CARS1: variants seen among roughly 807,000 people sequenced by gnomAD.
CARS1 encodes cysteine--tRNA ligase, cytoplasmic.
CARS1 carries 48 observed loss-of-function variants against 106.2 expected under a neutral mutation model. The ratio of observed to expected loss-of-function variants is 0.45; its 90% CI spans 0.36 to 0.57. CARS1 has a LOEUF of 0.57. Among genes scored for constraint, CARS1 ranks in the 20% least tolerant of loss-of-function variants. The pLI, the probability that CARS1 is intolerant of heterozygous loss-of-function variation, is 0.00. For missense variants in CARS1, 968 were observed against 1,057.2 expected (o/e 0.92, Z 1.17); for synonymous variants, 409 against 403.4 (o/e 1.01, Z -0.17).
intron 18 of CARS1, chr11:3,009,468 G>T (rs1266322266): frequency 6.6e-6 from 1 of 152,312 alleles, no homozygotes. Context: ...TGGGGACAGA[G>T]TTCCAGTTTG....
Position 3,044,790 on chromosome 11 carries a change from C to T in CARS1, c.275-2534G>A, listed in dbSNP as rs540444538. 1.3e-5 allele frequency among the ~76,000 whole-genome samples: 2 copies of T among 152,196 alleles called. No homozygotes were observed. Among genetic ancestry groups the T allele is most frequent in the South Asian group, 2.1e-4 (1 of 4,822 alleles). On this transcript the variant is annotated intron_variant, in intron 2 of 22. Coordinates refer to ENST00000380525, the MANE Select transcript of CARS1 (RefSeq NM_001014437.3). This position sits in a 1 kb window ranked among gnomAD's most constrained non-coding sequence, Gnocchi z 4.4. The stretch of plus-strand genomic sequence containing the variant: ...ATCCAACAACAGACCAACTATGAAC[C>T]GCTCATGAGAGACATGGCTTTGAAA...
At position 3,029,415 on chromosome 11, in the gene CARS1, A is replaced by G. The variant is rs1852467402; in HGVS notation, c.830T>C (p.Leu277Pro). 6.2e-7 allele frequency: 1 copy of G among 1,613,996 alleles called. No individual in the cohort carries two copies. Among genetic ancestry groups the G allele is most frequent in the African/African-American group, 1.3e-5 (1 of 74,944 alleles). Residue 277 changes from leucine (L) to proline (P), a missense_variant, in exon 8 of 23, where the codon CTC (leucine) becomes CCC (proline). By Grantham distance (98) the Leu-to-Pro change is moderately conservative. Coordinates refer to ENST00000380525, the MANE Select transcript of CARS1 (RefSeq NM_001014437.3). The surrounding 1 kb of genome is among the most constrained non-coding windows in gnomAD (Gnocchi z 5.9). ...AAGTGTAGAATCCAGCCAGTCAGAG[A>G]GCAAATCCTTGGCTTCTTCCAGCAA... ...EVLLEEAKDL[L>P]SDWLDSTLGC... is the part of the protein sequence containing the mutation.
rs888625377 is a variant in CARS1 at position 3,017,015 on chromosome 11, G to C, written c.1917+91C>G. 2 of 1,077,108 alleles carry C rather than the reference G, an allele frequency of 1.9e-6. No individual in the cohort carries two copies. The highest frequency in any genetic ancestry group is 2.7e-6 in the Non-Finnish European group (2 of 745,058). The allele number at this position is 1,077,108 out of a possible 1,614,324, so 66.7% of individuals were successfully genotyped here. The stretch of plus-strand genomic sequence containing the variant: ...GCTGGGCACCAGGCACAGCACTGGG[G>C]GGCACCAGAGGCCTCTGTTCTCCCA... On this transcript the variant is annotated intron_variant, in intron 16 of 22. Coordinates refer to ENST00000380525, the MANE Select transcript of CARS1 (RefSeq NM_001014437.3). This position sits in a 1 kb window ranked among gnomAD's most constrained non-coding sequence, Gnocchi z 4.9.
rs376313123 is a variant in CARS1 at position 3,029,258 on chromosome 11, G to C, written c.942+45C>G. The C allele has an allele frequency of 6.3e-7, 1 of 1,599,858 alleles. No individual in the cohort carries two copies. Among genetic ancestry groups the C allele is most frequent in the Admixed American group, 1.7e-5 (1 of 59,364 alleles). ...CCAAAACAGGAATTTAGAAATCAGG[G>C]CCCTTAGCGCAAGAGAGCCAGCACA... On this transcript the variant is annotated intron_variant, in intron 8 of 22. Transcript: ENST00000380525. The surrounding 1 kb of genome is among the most constrained non-coding windows in gnomAD (Gnocchi z 5.9).
intron 14 of CARS1, 91 bp downstream of exon 14, chr11:3,018,317 G>A (rs1851242471): frequency 2.5e-6 from 2 of 813,654 alleles, no homozygotes; most frequent in East Asian, 5.2e-5. Context: ...AGAGACATCG[G>A]GAGGCTGGTG....
intron 7 of CARS1, among the ~76,000 whole-genome samples, chr11:3,036,303 G>A (rs1159401929): frequency 2.0e-5 from 3 of 152,228 alleles, no homozygotes; most frequent in Non-Finnish European, 4.4e-5. Flanking sequence ...TGTGGGCAGT[G>A]TTGGGAACCC....
At chr11:3,015,379 T>C (rs1400542882) in intron 17 of CARS1, among the ~76,000 whole-genome samples, 1 of 152,186 alleles carries the variant, frequency 6.6e-6, no homozygotes, top group Non-Finnish European at 1.5e-5. Context: ...TCAGTGTAAA[T>C]TCTGTGCTGT....
chr11:3,047,717 G>A, intron 2 of CARS1, 36 bp downstream of exon 2: 1 of 1,578,166 alleles, frequency 6.3e-7, no homozygotes, highest in Non-Finnish European at 8.6e-7. Flanking sequence ...TTGGGAGAGA[G>A]GTTCTAATGG....
At chr11:3,001,947 G>A (rs1250722970) in intron 22 of CARS1, 23 bp downstream of exon 22, 2 of 1,561,966 alleles carry the variant, frequency 1.3e-6, no homozygotes, top group Non-Finnish European at 8.8e-7. Flanking sequence ...CTGAATAGAA[G>A]AGAAGGATGC....
chr11:3,001,251 G>A lies in CARS1; in HGVS notation c.2362-3C>T, dbSNP rs372968775. 10 of 1,613,116 alleles carry A rather than the reference G, an allele frequency of 6.2e-6. No individual in the cohort carries two copies. In the African/African-American group the frequency reaches 1.3e-4, roughly 22 times the overall value. Reference sequence around the variant, plus strand: ...TCCATGTCATGTGTGGGCAGACCCTGAAAACCCAGAGCACAGCGGCTATTG... The same window carrying A: ...TCCATGTCATGTGTGGGCAGACCCTAAAAACCCAGAGCACAGCGGCTATTG... On this transcript the variant is annotated splice_region_variant and splice_polypyrimidine_tract_variant and intron_variant, in intron 22 of 22. Coordinates refer to ENST00000380525, the MANE Select transcript of CARS1 (RefSeq NM_001014437.3).
In CARS1 at chr11:3,044,132, CACT is replaced by C. The variant is rs1254902619; in HGVS notation, c.275-1879_275-1877del. On this transcript the variant is annotated intron_variant, in intron 2 of 22. Coordinates refer to ENST00000380525, the MANE Select transcript of CARS1 (RefSeq NM_001014437.3). This position sits in a 1 kb window ranked among gnomAD's most constrained non-coding sequence, Gnocchi z 4.4. ...AGACCCTGGAGCTCCTTCAATAGGA[CACT>C]GCTGCCATCTCAGACAGCTGGAGAC... is the stretch of plus-strand genomic sequence containing the variant. Among the ~76,000 whole-genome samples, 2 of 152,184 alleles carry C rather than the reference CACT, an allele frequency of 1.3e-5. No individual in the cohort carries two copies. Among genetic ancestry groups the C allele is most frequent in the Non-Finnish European group, 2.9e-5 (2 of 68,040 alleles).
At chr11:3,031,811 T>C (rs559536042) in intron 7 of CARS1, among the ~76,000 whole-genome samples, 3 of 152,082 alleles carry the variant, frequency 2.0e-5, no homozygotes, top group East Asian at 3.9e-4. Context: ...AGTCAGACAG[T>C]TGAAAACCCC....
chr11:3,035,011 T>C (rs1853427616), intron 7 of CARS1, among the ~76,000 whole-genome samples: 2 of 152,274 alleles, frequency 1.3e-5, no homozygotes, highest in Admixed American at 6.5e-5. Context: ...AACTGGCTTC[T>C]GTAACAGCCC....
chr11:3,007,001 C>G, intron 18 of CARS1, 42 bp from the exon 19 acceptor site: 1 of 1,515,864 alleles, frequency 6.6e-7, no homozygotes, highest in South Asian at 1.1e-5. Context: ...ATGGAGGAGC[C>G]AGGGCCCACA....
At chr11:3,011,962 C>G (rs16929027) in intron 18 of CARS1, among the ~76,000 whole-genome samples, 15,070 of 152,310 alleles carry the variant, frequency 0.099, 853 homozygotes, top group African/African-American at 0.14. Context: ...GCTGCACTCA[C>G]TCGAGGATTC....
At chr11:3,015,007 T>A (rs549936724) in intron 17 of CARS1, among the ~76,000 whole-genome samples, 93 of 152,380 alleles carry the variant, frequency 6.1e-4, no homozygotes, top group African/African-American at 2.2e-3. Context: ...CAAAGAGCAT[T>A]CTTGACCTGG....
At chr11:3,033,009 C>T (rs568889872) in intron 7 of CARS1, among the ~76,000 whole-genome samples, 16 of 151,398 alleles carry the variant, frequency 1.1e-4, no homozygotes, top group Admixed American at 9.9e-4. Context: ...TATATATAGC[C>T]TCTCAATTCT....
rs1852487453 is a variant in CARS1, at chr11:3,029,504, T to C, written c.802-61A>G. 4 of 1,582,142 alleles carry C rather than the reference T, an allele frequency of 2.5e-6. No homozygotes were observed. The highest frequency in any genetic ancestry group is 1.1e-5 in the South Asian group (1 of 89,304). ...ACACACTTCACATGAGAACATCTCGTGCAGCTGGTGTGAGCCCATCAGTGC... is the reference window on the plus strand; with the variant it reads ...ACACACTTCACATGAGAACATCTCGCGCAGCTGGTGTGAGCCCATCAGTGC... On this transcript the variant is annotated intron_variant, in intron 7 of 22. Coordinates refer to ENST00000380525, the MANE Select transcript of CARS1 (RefSeq NM_001014437.3). The surrounding 1 kb of genome is among the most constrained non-coding windows in gnomAD (Gnocchi z 5.9).
chr11:3,036,350 G>A (rs1435478749), intron 7 of CARS1, among the ~76,000 whole-genome samples: 1 of 152,102 alleles, frequency 6.6e-6, no homozygotes, highest in Non-Finnish European at 1.5e-5. Flanking sequence ...ACAACCCAGC[G>A]ATTCCACTTG....
Sources: allele counts gnomAD v4.1 joint callset (sites outside exome capture counted in the v4.1 genomes callset), GRCh38; gene constraint gnomAD v4.1.1; non-coding constraint Gnocchi (gnomAD v3.1); transcripts MANE v1.5; gene names NCBI Gene and HGNC (gene_info 2026-07-23, HGNC 2026-07-21).